PDZRN4: variants seen among roughly 807,000 people sequenced by gnomAD.
PDZRN4 encodes PDZ domain containing ring finger 4, also known as PDZ domain-containing RING finger protein 4.
A neutral mutation model predicts 99.0 loss-of-function variants in PDZRN4; 70 were observed. The observed-to-expected ratio is 0.71, with a 90% CI of 0.58 to 0.86. The LOEUF (loss-of-function observed/expected upper bound fraction) is 0.86, where lower values mean the gene tolerates loss of function less well. PDZRN4 is among the 40% of genes least tolerant of loss of function. The pLI, the probability that PDZRN4 is intolerant of heterozygous loss-of-function variation, is 0.00. For synonymous variants in PDZRN4, 551 were observed against 501.6 expected (o/e 1.10, Z -1.32); for missense variants, 1,474 against 1,331.2 (o/e 1.11, Z -1.67).
At chr12:41,321,762 C>T (rs527843033) in intron 3 of PDZRN4, among the ~76,000 whole-genome samples, 5 of 152,212 alleles carry the variant, frequency 3.3e-5, no homozygotes, top group South Asian at 2.1e-4. Flanking sequence ...CGATGATCGC[C>T]TGTGTAAATG....
At chr12:41,441,803 C>T (rs924078030) in intron 3 of PDZRN4, among the ~76,000 whole-genome samples, 1 of 152,134 alleles carries the variant, frequency 6.6e-6, no homozygotes, top group Admixed American at 6.6e-5. Flanking sequence ...GTCTCACCCT[C>T]CCTTTTGCTT....
At chr12:41,415,129 C>T (rs1344362350) in intron 3 of PDZRN4, among the ~76,000 whole-genome samples, 1 of 151,900 alleles carries the variant, frequency 6.6e-6, no homozygotes, top group East Asian at 1.9e-4. Flanking sequence ...TAAAATATAC[C>T]TCCATTGAGA....
At chr12:41,392,532 GA>G (rs1952217015) in intron 3 of PDZRN4, among the ~76,000 whole-genome samples, 1 of 152,142 alleles carries the variant, frequency 6.6e-6, no homozygotes, top group Non-Finnish European at 1.5e-5. Flanking sequence ...CATATTACCA[GA>G]GTATGATATG....
rs193168225 is a variant in PDZRN4, at chr12:41,567,811, G to A, written c.1496G>A (p.Arg499Lys). ...GATGAAGGCTGGCTGGAAGATGAAAGGAATGAATTCTTAGAGGAGTTAAAC... is the reference window on the plus strand; with the variant it reads ...GATGAAGGCTGGCTGGAAGATGAAAAGAATGAATTCTTAGAGGAGTTAAAC... ...QLDEGWLEDERNEFLEELNLE... is the reference protein window; with the variant it reads ...QLDEGWLEDEKNEFLEELNLE... The change falls in exon 9 of 10, where the codon AGG (arginine) becomes AAG (lysine). Residue 499 changes from arginine to lysine, a missense_variant. Physicochemically the swap from Arg to Lys is conservative, Grantham distance 26. Transcript: ENST00000402685. The A allele has an allele frequency of 2.1e-4, 335 of 1,612,898 alleles. 2 individuals carry two copies. The East Asian group carries it at 4.5e-3, about 22-fold the overall frequency.
At chr12:41,265,801 T>C (rs1951271960) in intron 3 of PDZRN4, among the ~76,000 whole-genome samples, 1 of 152,136 alleles carries the variant, frequency 6.6e-6, no homozygotes, top group Admixed American at 6.6e-5. Context: ...CAAACCAGAA[T>C]GATGTGCCAT....
intron 3 of PDZRN4, 101 bp from the exon 4 acceptor site, chr12:41,506,355 T>A: frequency 9.4e-7 from 1 of 1,059,934 alleles, no homozygotes; most frequent in Non-Finnish European, 1.4e-6. Flanking sequence ...AAAATTCATA[T>A]CAGGGCTGGT....
chr12:41,511,280 G>A (rs539723175), intron 5 of PDZRN4, among the ~76,000 whole-genome samples: 1 of 151,980 alleles, frequency 6.6e-6, no homozygotes, highest in African/African-American at 2.4e-5. Context: ...AAATGAATCA[G>A]CATGTCATTG....
At chr12:41,267,348 T>G (rs1369844466) in intron 3 of PDZRN4, among the ~76,000 whole-genome samples, 1 of 151,768 alleles carries the variant, frequency 6.6e-6, no homozygotes, top group Non-Finnish European at 1.5e-5. Flanking sequence ...CTATTACCAA[T>G]CAACTGGAGC....
At chr12:41,368,926 T>C (rs1248483774) in intron 3 of PDZRN4, among the ~76,000 whole-genome samples, 5 of 152,060 alleles carry the variant, frequency 3.3e-5, no homozygotes, top group African/African-American at 7.2e-5. Context: ...CTGTTTCATA[T>C]TTACATAAGT....
intron 3 of PDZRN4, among the ~76,000 whole-genome samples, chr12:41,490,011 A>AAAGTC (rs142988940): frequency 0.062 from 9,457 of 152,090 alleles, 711 homozygotes; most frequent in East Asian, 0.18. Flanking sequence ...CTGGGCATTA[A>AAAGTC]AAGTCAAGAC....
chr12:41,410,343 A>T (rs1005492067), intron 3 of PDZRN4, among the ~76,000 whole-genome samples: 1 of 152,198 alleles, frequency 6.6e-6, no homozygotes, highest in Non-Finnish European at 1.5e-5. Context: ...TCACAGATAC[A>T]TACATACATA....
intron 4 of PDZRN4, among the ~76,000 whole-genome samples, chr12:41,507,083 G>A (rs955053596): frequency 7.2e-5 from 11 of 152,106 alleles, no homozygotes; most frequent in Non-Finnish European, 1.3e-4. Context: ...GACTCATGTG[G>A]AAGTGGCATC....
At chr12:41,564,936 T>G (rs560913611) in intron 8 of PDZRN4, among the ~76,000 whole-genome samples, 1 of 152,340 alleles carries the variant, frequency 6.6e-6, no homozygotes, top group South Asian at 2.1e-4. Flanking sequence ...GATATTTTTA[T>G]GTTATAATGT....
chr12:41,483,972 C>G (rs913265683), intron 3 of PDZRN4, among the ~76,000 whole-genome samples: 27 of 152,052 alleles, frequency 1.8e-4, no homozygotes, highest in African/African-American at 6.5e-4. Context: ...TTAAATTTAA[C>G]CTGGATTCCA....
chr12:41,416,777 G>A (rs975431989), intron 3 of PDZRN4, among the ~76,000 whole-genome samples: 2 of 152,134 alleles, frequency 1.3e-5, no homozygotes, highest in African/African-American at 4.8e-5. Context: ...TTCTTCCCTG[G>A]GTAGATGTTC....
At chr12:41,259,420 C>T (rs1377243800) in intron 3 of PDZRN4, among the ~76,000 whole-genome samples, 1 of 152,110 alleles carries the variant, frequency 6.6e-6, no homozygotes, top group Admixed American at 6.5e-5. Context: ...ATGTTATAGC[C>T]TTTTAAAAAC....
At chr12:41,254,297 A>G (rs1951190097) in intron 3 of PDZRN4, among the ~76,000 whole-genome samples, 2 of 152,162 alleles carry the variant, frequency 1.3e-5, no homozygotes, top group African/African-American at 4.8e-5. Context: ...GCATGATATT[A>G]TTTAATCTTC....
At chr12:41,405,343 A>G (rs558525727) in intron 3 of PDZRN4, among the ~76,000 whole-genome samples, 1 of 152,362 alleles carries the variant, frequency 6.6e-6, no homozygotes, top group South Asian at 2.1e-4. Flanking sequence ...AACATATGAA[A>G]AAATGCTTGT....
intron 3 of PDZRN4, among the ~76,000 whole-genome samples, chr12:41,333,898 C>T (rs1057079429): frequency 4.6e-5 from 7 of 152,058 alleles, no homozygotes; most frequent in Non-Finnish European, 7.4e-5. Context: ...ACTTTTCATA[C>T]GCAGTTATTT....
Sources: allele counts gnomAD v4.1 joint callset (sites outside exome capture counted in the v4.1 genomes callset), GRCh38; gene constraint gnomAD v4.1.1; transcripts MANE v1.5; gene names NCBI Gene and HGNC (gene_info 2026-07-23, HGNC 2026-07-21).